Variants in ATP6V0C observed in about 807,000 individuals in gnomAD.
The protein encoded by ATP6V0C is ATPase H+ transporting V0 subunit c, also known as V-type proton ATPase 16 kDa proteolipid subunit c.
ATP6V0C carries 2 observed loss-of-function variants against 10.6 expected under a neutral mutation model. The ratio of observed to expected loss-of-function variants is 0.19; its 90% CI spans 0.08 to 0.59. ATP6V0C has a LOEUF of 0.59. ATP6V0C is among the 20% of genes least tolerant of loss of function. The pLI is 0.90. For missense variants in ATP6V0C, 89 were observed against 225.9 expected (o/e 0.39, Z 3.88); for synonymous variants, 128 against 101.3 (o/e 1.26, Z -1.59).
chr16:2,519,842 C>T lies in ATP6V0C; in HGVS notation c.*97C>T, dbSNP rs1268008291. On this transcript the variant is annotated 3_prime_UTR_variant, in exon 3 of 3. Coordinates refer to ENST00000330398, the MANE Select transcript of ATP6V0C (RefSeq NM_001694.4). ...TGACACATACGCACGGGGCCGCCGC[C>T]CCCAGTAGTTGGTCTTGTACATGCG... 1.3e-6 allele frequency: 2 copies of T among 1,484,524 alleles called. No homozygotes were observed. The highest frequency in any genetic ancestry group is 1.4e-5 in the African/African-American group (1 of 72,018). The allele number at this position is 1,484,524 out of a possible 1,614,324, so 92.0% of individuals were successfully genotyped here. A position where few individuals can be genotyped will look rare whatever the true frequency, so the allele number is the denominator to read the frequency against.
chr16:2,514,318 G>A, intron 1 of ATP6V0C, 136 bp downstream of exon 1: 1 of 974,110 alleles, frequency 1.0e-6, no homozygotes, highest in Non-Finnish European at 1.4e-6. Context: ...TCGTGTGACA[G>A]CGGGCGGGGG....
chr16:2,514,028 C>A lies in ATP6V0C; in HGVS notation c.-76C>A, dbSNP rs987711074. The A allele has an allele frequency of 5.8e-6, 8 of 1,382,694 alleles. No homozygotes were observed. The highest frequency in any genetic ancestry group is 1.3e-5 in the South Asian group (1 of 77,568). The allele number at this position is 1,382,694 out of a possible 1,614,324, so 85.7% of individuals were successfully genotyped here. On this transcript the variant is annotated 5_prime_UTR_variant, in exon 1 of 3. Transcript: ENST00000330398. ...TCGCCGCCGCCCGCCCGCAAACCTT[C>A]GTGCCCGGCCCGTCCTCGCCCCCGC...
At position 2,519,259 on chromosome 16, in the gene ATP6V0C, A is replaced by G; in HGVS notation, c.121A>G (p.Ile41Val). ...TGGCACAGCCAAGAGCGGTACCGGC[A>G]TTGCGGCCATGTCTGTCATGCGGCC... is the stretch of plus-strand genomic sequence containing the variant. ...AYGTAKSGTG[I>V]AAMSVMRPEQ... The change falls in exon 2 of 3, where the codon ATT becomes GTT. Residue 41 changes from isoleucine (I) to valine (V), a missense_variant. Physicochemically the swap from Ile to Val is conservative, Grantham distance 29. Around this residue, in one of 4 missense-constraint regions of ATP6V0C, gnomAD observed 18 missense variants for 79.5 expected, o/e 0.23. Transcript: ENST00000330398. 1.9e-6 allele frequency: 3 copies of G among 1,614,048 alleles called. No homozygotes were observed. The highest frequency in any genetic ancestry group is 2.5e-6 in the Non-Finnish European group (3 of 1,179,946).
At chr16:2,519,498 G>A in intron 2 of ATP6V0C, 43 bp from the exon 3 acceptor site, 1 of 1,542,840 alleles carries the variant, frequency 6.5e-7, no homozygotes, top group Non-Finnish European at 8.8e-7. Flanking sequence ...GTCTCCCCCT[G>A]GTTGGCAGGC....
At chr16:2,515,760 A>G (rs191127516) in intron 1 of ATP6V0C, among the ~76,000 whole-genome samples, 69 of 152,250 alleles carry the variant, frequency 4.5e-4, no homozygotes, top group Middle Eastern at 6.8e-3. Flanking sequence ...AACAATCTTG[A>G]TTGAGCGCTT....
intron 1 of ATP6V0C, chr16:2,517,239 G>T (rs1427871207): frequency 6.6e-6 from 1 of 152,328 alleles, no homozygotes; most frequent in Non-Finnish European, 1.5e-5. Flanking sequence ...CAGGACAGGC[G>T]CTGGGACAGG....
chr16:2,519,419 GC>G lies in ATP6V0C; in HGVS notation c.263+22del. The G allele has an allele frequency of 6.2e-7, 1 of 1,604,948 alleles. No individual in the cohort carries two copies. On this transcript the variant is annotated intron_variant, in intron 2 of 2. Coordinates refer to ENST00000330398, the MANE Select transcript of ATP6V0C (RefSeq NM_001694.4). ...CTCTACAAGTGAGCACTGGGGTCAGGCCCCTGCCCAGGGCTGGAGGACTGCA... is the reference window on the plus strand; with the variant it reads ...CTCTACAAGTGAGCACTGGGGTCAGGCCCTGCCCAGGGCTGGAGGACTGCA...
At chr16:2,514,935 G>GA (rs1158681781) in intron 1 of ATP6V0C, among the ~76,000 whole-genome samples, 1 of 152,224 alleles carries the variant, frequency 6.6e-6, no homozygotes, top group Non-Finnish European at 1.5e-5. Flanking sequence ...TCTGTGCTCT[G>GA]AGGTGGGTGA....
intron 1 of ATP6V0C, chr16:2,514,397 T>C (rs2065866363): frequency 3.4e-6 from 1 of 297,082 alleles, no homozygotes; most frequent in East Asian, 6.1e-5. Flanking sequence ...CTGGCCGGGG[T>C]GTGAGTCTCG....
chr16:2,514,105 TGTCCGA>T lies in ATP6V0C; in HGVS notation c.7_12del (p.GluSer3_?4). 2.5e-6 allele frequency: 4 copies of T among 1,577,874 alleles called. No homozygotes were observed. The highest frequency in any genetic ancestry group is 2.3e-5 in the South Asian group (2 of 86,556). The stretch of plus-strand genomic sequence containing the variant: ...CTTGCCCCCTCCCCACCCGCAGACA[TGTCCGA>T]GTCCAAGAGCGGCCCCGAGTATGCT... On this transcript the variant is annotated start_lost and inframe_deletion, in exon 1 of 3. Transcript: ENST00000330398.
intron 1 of ATP6V0C, among the ~76,000 whole-genome samples, chr16:2,516,020 C>G (rs1596983182): frequency 6.6e-6 from 1 of 151,916 alleles, no homozygotes; most frequent in Non-Finnish European, 1.5e-5. Context: ...TTATCCCTGG[C>G]TCTTCGGGAT....
Position 2,520,047 on chromosome 16 carries a change from T to A in ATP6V0C, c.*302T>A, listed in dbSNP as rs1162909748. Reference sequence around the variant, plus strand: ...TTTACTGGATGTTTATTTATAAAGATCTGGCCTGTTCCTGCGTCTGCGGAG... The same window carrying A: ...TTTACTGGATGTTTATTTATAAAGAACTGGCCTGTTCCTGCGTCTGCGGAG... On this transcript the variant is annotated 3_prime_UTR_variant, in exon 3 of 3. Coordinates refer to ENST00000330398, the MANE Select transcript of ATP6V0C (RefSeq NM_001694.4). The A allele has an allele frequency of 9.3e-6, 6 of 645,782 alleles. No individual in the cohort carries two copies. The highest frequency in any genetic ancestry group is 3.0e-5 in the South Asian group (2 of 66,192). The allele number at this position is 645,782 out of a possible 1,614,324, so 40.0% of individuals were successfully genotyped here.
At chr16:2,519,428 C>T (rs1295653601) in intron 2 of ATP6V0C, 27 bp downstream of exon 2, 4 of 1,599,410 alleles carry the variant, frequency 2.5e-6, no homozygotes, top group South Asian at 2.2e-5. Flanking sequence ...GGCCCCTGCC[C>T]AGGGCTGGAG....
At chr16:2,519,060 C>T in intron 1 of ATP6V0C, 158 bp from the exon 2 acceptor site, 1 of 833,194 alleles carries the variant, frequency 1.2e-6, no homozygotes, top group East Asian at 2.9e-5. Flanking sequence ...GCTGTTCCTC[C>T]TGGGTCCTCT....
At chr16:2,516,151 T>C (rs538968189) in intron 1 of ATP6V0C, among the ~76,000 whole-genome samples, 1 of 151,024 alleles carries the variant, frequency 6.6e-6, no homozygotes, top group East Asian at 1.9e-4. Context: ...CTTGCTCTGT[T>C]TCCCAGGCTG....
chr16:2,515,011 TGTG>T (rs1251347501), intron 1 of ATP6V0C, among the ~76,000 whole-genome samples: 1 of 152,112 alleles, frequency 6.6e-6, no homozygotes, highest in Non-Finnish European at 1.5e-5. Context: ...GGCTTCCAGT[TGTG>T]GTCCTAATGA....
In ATP6V0C at chr16:2,520,036, A is replaced by G. The variant is rs188476704; in HGVS notation, c.*291A>G. ...TGTCATTTCTCTTTACTGGATGTTT[A>G]TTTATAAAGATCTGGCCTGTTCCTG... On this transcript the variant is annotated 3_prime_UTR_variant, in exon 3 of 3. Transcript: ENST00000330398. 693 of 654,646 alleles carry G rather than the reference A, an allele frequency of 1.1e-3. 3 individuals carry two copies. Among genetic ancestry groups the G allele is most frequent in the Non-Finnish European group, 1.5e-3 (518 of 356,584 alleles). The allele number at this position is 654,646 out of a possible 1,614,324, so 40.6% of individuals were successfully genotyped here.
chr16:2,519,819 A>C lies in ATP6V0C; in HGVS notation c.*74A>C. The C allele has an allele frequency of 1.3e-6, 2 of 1,559,928 alleles. No individual in the cohort carries two copies. The highest frequency in any genetic ancestry group is 1.8e-6 in the Non-Finnish European group (2 of 1,137,334). On this transcript the variant is annotated 3_prime_UTR_variant, in exon 3 of 3. Transcript: ENST00000330398. The stretch of plus-strand genomic sequence containing the variant: ...TCCTCATTCCAGAACGAACAGCCTG[A>C]CACATACGCACGGGGCCGCCGCCCC...
intron 2 of ATP6V0C, 33 bp from the exon 3 acceptor site, chr16:2,519,508 C>A: frequency 6.5e-7 from 1 of 1,542,638 alleles, no homozygotes. Context: ...GGTTGGCAGG[C>A]TGCTGATGTC....
Sources: allele counts gnomAD v4.1 joint callset (sites outside exome capture counted in the v4.1 genomes callset), GRCh38; gene constraint gnomAD v4.1.1; regional missense constraint gnomAD v4.1.1; transcripts MANE v1.5; gene names NCBI Gene and HGNC (gene_info 2026-07-23, HGNC 2026-07-21).